CSMD1: variants seen among roughly 807,000 people sequenced by gnomAD.
The protein encoded by CSMD1 is CUB and Sushi multiple domains 1, also known as CUB and sushi domain-containing protein 1.
A neutral mutation model predicts 417.5 loss-of-function variants in CSMD1; 213 were observed. The ratio of observed to expected loss-of-function variants is 0.51; its 90% CI spans 0.46 to 0.57. The LOEUF is 0.57. Among genes scored for constraint, CSMD1 ranks in the 20% least tolerant of loss-of-function variants. The pLI is 0.00. For missense variants in CSMD1, 6,923 were observed against 4,529.7 expected (o/e 1.53, Z -15.17); for synonymous variants, 2,862 against 1,736.8 (o/e 1.65, Z -16.11).
intron 3 of CSMD1, among the ~76,000 whole-genome samples, chr8:4,223,416 A>T (rs144519282): frequency 3.5e-4 from 53 of 152,376 alleles, no homozygotes; most frequent in African/African-American, 9.1e-4. Flanking sequence ...AAAGGGCGTC[A>T]TCGCCAGGGA....
At chr8:3,795,157 TATAGATACCTATCATGTAC>T (rs1563087157) in intron 5 of CSMD1, among the ~76,000 whole-genome samples, 3 of 71,110 alleles carry the variant, frequency 4.2e-5, no homozygotes, top group South Asian at 4.7e-4. Flanking sequence ...CATGTACAGC[TATAGATACCTATCATGTAC>T]AGCTATAGAT....
At position 3,367,150 on chromosome 8, in the gene CSMD1, G is replaced by C. The variant is rs373825642; in HGVS notation, c.2997C>G (p.Leu999=). 70 of 1,613,600 alleles carry C rather than the reference G, an allele frequency of 4.3e-5. No homozygotes were observed. The highest frequency in any genetic ancestry group is 1.2e-4 in the Admixed American group (7 of 59,974). The stretch of plus-strand genomic sequence containing the variant: ...TCGTATGAGGCAACACCGACCCGGT[G>C]AGCCTGGCAACGGGCTCGGAAAAAC... ...DGSFSEPVAR[L]TGSVLPHTIK... is the part of the protein sequence containing the mutation. Residue 999 remains leucine (L), a synonymous_variant, in exon 20 of 70, where the codon CTC becomes CTG. Transcript: ENST00000635120.
intron 10 of CSMD1, among the ~76,000 whole-genome samples, chr8:3,550,354 C>T (rs1286207800): frequency 6.6e-6 from 1 of 152,170 alleles, no homozygotes; most frequent in Non-Finnish European, 1.5e-5. Context: ...TACTCCAGGG[C>T]CTTGACCCCG....
chr8:4,576,853 A>G (rs1190855180), intron 2 of CSMD1, among the ~76,000 whole-genome samples: 1 of 152,302 alleles, frequency 6.6e-6, no homozygotes, highest in African/African-American at 2.4e-5. Flanking sequence ...GTACATTTCC[A>G]CAAATGCTTT....
rs112319789 is a variant in CSMD1 at position 3,818,144 on chromosome 8, G to T, written c.819-64102C>A. 4.1e-3 allele frequency among the ~76,000 whole-genome samples: 617 copies of T among 152,082 alleles called. 8 individuals carry two copies. Among genetic ancestry groups the T allele is most frequent in the African/African-American group, 0.014 (584 of 41,482 alleles). On this transcript the variant is annotated intron_variant, in intron 5 of 69. Transcript: ENST00000635120. The stretch of plus-strand genomic sequence containing the variant: ...GGACCCAAAGAGAGTTTCAGCTAAG[G>T]GTAGTGCCTCCTCTGACACTCATAG...
At chr8:4,221,316 C>G (rs545582006) in intron 3 of CSMD1, among the ~76,000 whole-genome samples, 2 of 151,390 alleles carry the variant, frequency 1.3e-5, no homozygotes, top group African/African-American at 4.9e-5. Flanking sequence ...CATGGACTTA[C>G]CACTTCTTGC....
intron 2 of CSMD1, among the ~76,000 whole-genome samples, chr8:4,589,081 T>C (rs182282845): frequency 1.3e-5 from 2 of 152,024 alleles, no homozygotes; most frequent in African/African-American, 4.8e-5. Context: ...AAATAAAAAA[T>C]ATGTTGTCCT....
intron 3 of CSMD1, among the ~76,000 whole-genome samples, chr8:4,260,581 A>C (rs1339435368): frequency 6.6e-6 from 1 of 152,164 alleles, no homozygotes; most frequent in African/African-American, 2.4e-5. Context: ...AAAGTTTGTA[A>C]TATTGTTTCT....
chr8:4,104,203 G>C (rs1391021495), intron 3 of CSMD1, among the ~76,000 whole-genome samples: 4 of 152,204 alleles, frequency 2.6e-5, no homozygotes, highest in Non-Finnish European at 5.9e-5. Context: ...GGGTCATAGT[G>C]TGTGTGAATG....
intron 12 of CSMD1, among the ~76,000 whole-genome samples, chr8:3,456,074 A>G (rs1816106863): frequency 6.6e-6 from 1 of 152,162 alleles, no homozygotes; most frequent in Non-Finnish European, 1.5e-5. Context: ...TGTCTCAGCA[A>G]TGAGCAAGCC....
At chr8:4,879,906 A>C (rs1032832630) in intron 1 of CSMD1, among the ~76,000 whole-genome samples, 4 of 152,036 alleles carry the variant, frequency 2.6e-5, no homozygotes, top group Non-Finnish European at 5.9e-5. Flanking sequence ...ACAAGTCTGG[A>C]TTTTATCTCA....
chr8:4,567,387 G>C (rs1798663043), intron 2 of CSMD1, among the ~76,000 whole-genome samples: 2 of 152,164 alleles, frequency 1.3e-5, no homozygotes, highest in African/African-American at 4.8e-5. Context: ...CCAGGAATTA[G>C]ACACAATGGT....
intron 26 of CSMD1, among the ~76,000 whole-genome samples, chr8:3,245,555 CT>C (rs1474309306): frequency 1.3e-5 from 2 of 152,220 alleles, no homozygotes; most frequent in Non-Finnish European, 2.9e-5. Context: ...CTGAGGCCAT[CT>C]CTTTGAAATG....
intron 69 of CSMD1, among the ~76,000 whole-genome samples, chr8:2,939,935 T>C (rs1309979538): frequency 1.3e-5 from 2 of 151,854 alleles, no homozygotes; most frequent in Non-Finnish European, 2.9e-5. Flanking sequence ...TGTAGGGAAA[T>C]GCAATCCCAG....
At chr8:4,649,576 T>C (rs774787298) in intron 1 of CSMD1, among the ~76,000 whole-genome samples, 1 of 152,224 alleles carries the variant, frequency 6.6e-6, no homozygotes, top group Non-Finnish European at 1.5e-5. Context: ...TTTTCTGTCA[T>C]TTTCTGAAAA....
At chr8:4,237,011 C>T (rs142017764) in intron 3 of CSMD1, among the ~76,000 whole-genome samples, 5 of 152,162 alleles carry the variant, frequency 3.3e-5, no homozygotes, top group South Asian at 2.1e-4. Context: ...TCTTAAATCG[C>T]GCTCCATTGC....
At chr8:3,430,526 G>C (rs1472133857) in intron 12 of CSMD1, among the ~76,000 whole-genome samples, 4 of 152,158 alleles carry the variant, frequency 2.6e-5, no homozygotes, top group Non-Finnish European at 5.9e-5. Context: ...GCATTTTTCT[G>C]CTAGGCACAG....
At chr8:3,663,068 G>A (rs1403010726) in intron 7 of CSMD1, among the ~76,000 whole-genome samples, 2 of 152,108 alleles carry the variant, frequency 1.3e-5, no homozygotes, top group Non-Finnish European at 2.9e-5. Context: ...AAATGCAGAT[G>A]TCAGCAAAAT....
At chr8:4,100,516 A>G (rs183026421) in intron 3 of CSMD1, among the ~76,000 whole-genome samples, 11 of 152,326 alleles carry the variant, frequency 7.2e-5, no homozygotes, top group African/African-American at 2.2e-4. Flanking sequence ...TGGATTAAAA[A>G]TGGGTATCTT....
Sources: gnomAD v4.1 joint callset for allele counts (sites outside exome capture counted in the v4.1 genomes callset) on GRCh38, gnomAD v4.1.1 for gene constraint, MANE v1.5 for transcripts, NCBI Gene and HGNC (gene_info 2026-07-23, HGNC 2026-07-21) for gene names.